Variants in DNAH8 observed in about 807,000 individuals in gnomAD.
The protein encoded by DNAH8 is dynein axonemal heavy chain 8.
Under a neutral mutation model 562.1 loss-of-function variants are expected in DNAH8, and 382 were observed. The observed-to-expected ratio is 0.68, with a 90% CI of 0.63 to 0.74. The LOEUF (loss-of-function observed/expected upper bound fraction) is 0.74, where lower values mean the gene tolerates loss of function less well. Ranked by LOEUF, DNAH8 falls within the 30% of genes least tolerant of loss-of-function variation. The pLI is 0.00. For synonymous variants in DNAH8, 1,881 were observed against 1,919.4 expected (o/e 0.98, Z 0.52); for missense variants, 5,203 against 5,620.4 (o/e 0.93, Z 2.37).
intron 41 of DNAH8, among the ~76,000 whole-genome samples, chr6:38,855,978 T>TG (rs1776166113): frequency 6.6e-6 from 1 of 152,164 alleles, no homozygotes; most frequent in South Asian, 2.1e-4. Context: ...CCCCCGTCCA[T>TG]GGAAAAATTG....
chr6:38,765,379 C>T (rs1158260308), intron 11 of DNAH8, among the ~76,000 whole-genome samples: 1 of 152,084 alleles, frequency 6.6e-6, no homozygotes. Context: ...AAAATCATTG[C>T]CAAGTAGCTT....
Position 38,840,098 on chromosome 6 carries a change from C to T in DNAH8, c.4466+2056C>T, listed in dbSNP as rs114175237. Among the ~76,000 whole-genome samples the T allele has an allele frequency of 5.8e-3, 879 of 152,336 alleles. 5 individuals carry two copies. Among genetic ancestry groups the T allele is most frequent in the African/African-American group, 0.02 (835 of 41,582 alleles). On this transcript the variant is annotated intron_variant, in intron 33 of 92. Coordinates refer to ENST00000327475, the MANE Select transcript of DNAH8 (RefSeq NM_001206927.2). ...CTGAATGAGACTAACTCCTCATCGGCTGTCATGTGTGAACCTGGAGCATAT... is the reference window on the plus strand; with the variant it reads ...CTGAATGAGACTAACTCCTCATCGGTTGTCATGTGTGAACCTGGAGCATAT...
At chr6:38,811,297 C>T (rs1034062543) in intron 24 of DNAH8, among the ~76,000 whole-genome samples, 1 of 152,192 alleles carries the variant, frequency 6.6e-6, no homozygotes, top group Non-Finnish European at 1.5e-5. Flanking sequence ...AGTGAAGGAG[C>T]ACTGTCCAGA....
chr6:38,851,552 AC>A lies in DNAH8; in HGVS notation c.5364-19del, dbSNP rs1775745876. The A allele has an allele frequency of 6.6e-7, 1 of 1,505,858 alleles. No homozygotes were observed. The highest frequency in any genetic ancestry group is 9.1e-7 in the Non-Finnish European group (1 of 1,095,470). The allele number at this position is 1,505,858 out of a possible 1,614,324, so 93.3% of individuals were successfully genotyped here. A position where few individuals can be genotyped will look rare whatever the true frequency, so the allele number is the denominator to read the frequency against. On this transcript the variant is annotated intron_variant, in intron 38 of 92. Transcript: ENST00000327475. ...GGGAAAAAAAACCACTTGGTAACAT[AC>A]TGTCGACTTTATTTGAAGGTATTTG...
At chr6:38,758,847 G>A (rs540962019) in intron 10 of DNAH8, among the ~76,000 whole-genome samples, 175 of 152,222 alleles carry the variant, frequency 1.1e-3, no homozygotes, top group Admixed American at 3.5e-3. Flanking sequence ...ATTTGTGTAC[G>A]TTGAACCAGC....
Position 38,984,218 on chromosome 6 carries a change from A to T in DNAH8, c.12964A>T (p.Asn4322Tyr). The change falls in exon 87 of 93, where the codon AAT becomes TAT. Residue 4322 changes from asparagine (N) to tyrosine (Y), a missense_variant. Asn to Tyr is a moderately radical substitution (Grantham distance 143). Coordinates refer to ENST00000327475, the MANE Select transcript of DNAH8 (RefSeq NM_001206927.2). ...ACTTTTAATAAAGGGTGTATCATGG[A>T]ATACGGTTCGGTACATGATCGGAGA... ...ECDIKKGVSW[N>Y]TVRYMIGEVQ... The T allele has an allele frequency of 3.0e-5, 48 of 1,585,466 alleles. No individual in the cohort carries two copies. Among genetic ancestry groups the T allele is most frequent in the Non-Finnish European group, 4.1e-5 (47 of 1,154,720 alleles).
chr6:38,787,165 G>C (rs1423993457), intron 18 of DNAH8, among the ~76,000 whole-genome samples: 1 of 152,036 alleles, frequency 6.6e-6, no homozygotes, highest in Non-Finnish European at 1.5e-5. Context: ...TCAGAAATCA[G>C]ATTTAGGTTT....
chr6:38,978,673 A>G (rs1025322562), intron 85 of DNAH8, among the ~76,000 whole-genome samples: 7 of 152,172 alleles, frequency 4.6e-5, no homozygotes, highest in Non-Finnish European at 8.8e-5. Context: ...CTGGTTTTGA[A>G]GCTGTGAAAT....
chr6:38,969,354 G>A (rs1297069076), intron 82 of DNAH8, among the ~76,000 whole-genome samples: 1 of 152,080 alleles, frequency 6.6e-6, no homozygotes, highest in African/African-American at 2.4e-5. Flanking sequence ...CACTATCTAG[G>A]TGCTGGGTTG....
At chr6:38,901,513 CT>C (rs1209976942) in intron 62 of DNAH8, among the ~76,000 whole-genome samples, 1 of 152,136 alleles carries the variant, frequency 6.6e-6, no homozygotes, top group African/African-American at 2.4e-5. Flanking sequence ...ACTATATAGT[CT>C]CCTCCACTGG....
In DNAH8 at chr6:38,866,518, G is replaced by A. The variant is rs1337271139; in HGVS notation, c.6499-73G>A. The A allele has an allele frequency of 3.0e-5, 32 of 1,060,894 alleles. No homozygotes were observed. In the Admixed American group the frequency reaches 7.3e-4, roughly 24 times the overall value. The allele number at this position is 1,060,894 out of a possible 1,614,324, so 65.7% of individuals were successfully genotyped here. ...TACCATCTTAAAATCTGAATTAGGG[G>A]TTTGAAATATATTTGTATTCAGAAA... On this transcript the variant is annotated intron_variant, in intron 45 of 92. Transcript: ENST00000327475.
At chr6:38,849,395 TA>T (rs776187767) in intron 37 of DNAH8, among the ~76,000 whole-genome samples, 4 of 152,112 alleles carry the variant, frequency 2.6e-5, no homozygotes, top group Non-Finnish European at 4.4e-5. Context: ...ACAAAACCTT[TA>T]AAACAGCTCT....
Position 38,848,765 on chromosome 6 carries a change from C to A in DNAH8, c.5163C>A (p.Val1721=). ...ACCTTTGGGTTTATCTTGAAGCCGT[C>A]TTTGTAGGTGGAGATATTGCCAAAC... ...VQNLWVYLEA[V]FVGGDIAKQL... The change falls in exon 37 of 93, where the codon GTC becomes GTA. Residue 1721 remains valine (V), a synonymous_variant. Transcript: ENST00000327475. 2 of 1,613,396 alleles carry A rather than the reference C, an allele frequency of 1.2e-6. No homozygotes were observed. The highest frequency in any genetic ancestry group is 2.2e-5 in the South Asian group (2 of 91,036).
chr6:38,917,239 A>G lies in DNAH8; in HGVS notation c.10141A>G (p.Thr3381Ala). ...ALEEAEAALN[T>A]IKPNDIATVR... ...TATTGATCCTTAATCCCAAATATAG[A>G]CTATCAAGCCAAATGATATTGCCAC... Residue 3381 changes from threonine to alanine, a missense_variant and splice_region_variant, in exon 69 of 93, where the codon ACT becomes GCT. Thr to Ala is a moderately conservative substitution (Grantham distance 58). Around this residue, in one of 6 missense-constraint regions of DNAH8, gnomAD observed 87 missense variants for 144.9 expected, o/e 0.60. Transcript: ENST00000327475. The G allele has an allele frequency of 2.5e-6, 4 of 1,603,786 alleles. No individual in the cohort carries two copies. The highest frequency in any genetic ancestry group is 3.4e-6 in the Non-Finnish European group (4 of 1,174,980).
chr6:38,855,407 C>A (rs184545254), intron 41 of DNAH8, among the ~76,000 whole-genome samples: 63 of 152,246 alleles, frequency 4.1e-4, no homozygotes, highest in Middle Eastern at 3.4e-3. Context: ...ATAAGAATTT[C>A]CCATATTTCT....
chr6:38,840,419 C>A (rs1035673527), intron 33 of DNAH8, among the ~76,000 whole-genome samples: 16 of 152,156 alleles, frequency 1.1e-4, no homozygotes, highest in African/African-American at 3.9e-4. Context: ...TCAAATACAA[C>A]TTATGTAAAT....
intron 82 of DNAH8, among the ~76,000 whole-genome samples, chr6:38,952,606 A>G (rs551988677): frequency 6.6e-6 from 1 of 152,290 alleles, no homozygotes; most frequent in African/African-American, 2.4e-5. Flanking sequence ...TATAAAATCA[A>G]TTCAGTCATG....
chr6:38,862,414 G>T lies in DNAH8; in HGVS notation c.6266G>T (p.Cys2089Phe). ...CLGKYVVVFN[C>F]SDQMDFRGLG... is the part of the protein sequence containing the mutation. ...GGAAAATATGTGGTCGTGTTCAATT[G>T]CTCAGATCAAATGGATTTCAGAGGC... The change falls in exon 44 of 93, where the codon TGC (cysteine) becomes TTC (phenylalanine). Residue 2089 changes from cysteine to phenylalanine, a missense_variant. Cys to Phe is a radical substitution (Grantham distance 205, BLOSUM62 -2). Transcript: ENST00000327475. 1 of 1,614,044 alleles carries T rather than the reference G, an allele frequency of 6.2e-7. No homozygotes were observed. Among genetic ancestry groups the T allele is most frequent in the Non-Finnish European group, 8.5e-7 (1 of 1,179,932 alleles).
intron 73 of DNAH8, among the ~76,000 whole-genome samples, chr6:38,925,592 A>G (rs1220037662): frequency 6.6e-6 from 1 of 152,096 alleles, no homozygotes; most frequent in Non-Finnish European, 1.5e-5. Context: ...GCTCCGGCCA[A>G]TATAATAACT....
Sources: gnomAD v4.1 joint callset for allele counts (sites outside exome capture counted in the v4.1 genomes callset) on GRCh38, gnomAD v4.1.1 for gene constraint, gnomAD v4.1.1 regional missense constraint, MANE v1.5 for transcripts, NCBI Gene and HGNC (gene_info 2026-07-23, HGNC 2026-07-21) for gene names.